Variants in IFTAP observed in about 807,000 individuals in gnomAD.
IFTAP encodes the protein intraflagellar transport-associated protein.
In IFTAP, 19 loss-of-function variants were observed where a neutral mutation model predicts 19.4. The observed-to-expected ratio is 0.98, with a 90% confidence interval of 0.68 to 1.44. The LOEUF (loss-of-function observed/expected upper bound fraction) is 1.44. Ranked by LOEUF, IFTAP falls within the 40% of genes most tolerant of loss-of-function variation. The pLI is 0.00. For missense variants in IFTAP, 240 were observed against 253.6 expected (o/e 0.95, Z 0.36); for synonymous variants, 85 against 83.5 (o/e 1.02, Z -0.10).
intron 5 of IFTAP, 57 bp downstream of exon 5, chr11:36,648,212 CT>C: frequency 6.4e-7 from 1 of 1,564,986 alleles, no homozygotes; most frequent in Non-Finnish European, 8.7e-7. Context: ...TAATTCATCC[CT>C]TCAAAGAAAT....
At chr11:36,627,440 G>A (rs910784718) in intron 2 of IFTAP, among the ~76,000 whole-genome samples, 3 of 151,226 alleles carry the variant, frequency 2.0e-5, no homozygotes, top group Non-Finnish European at 4.4e-5. Context: ...ATGTGTCCTT[G>A]TGATCCTGGG....
chr11:36,654,135 C>T (rs919261083), intron 5 of IFTAP, among the ~76,000 whole-genome samples: 1 of 152,078 alleles, frequency 6.6e-6, no homozygotes, highest in Non-Finnish European at 1.5e-5. Context: ...TGTAAAATAT[C>T]CTTGGCTTCA....
At chr11:36,628,204 G>C (rs1370231488) in intron 2 of IFTAP, among the ~76,000 whole-genome samples, 1 of 150,864 alleles carries the variant, frequency 6.6e-6, no homozygotes, top group Non-Finnish European at 1.5e-5. Flanking sequence ...CAGAGTTTTT[G>C]TCGGGCCCTC....
At chr11:36,616,404 T>A (rs892439257) in intron 2 of IFTAP, among the ~76,000 whole-genome samples, 1 of 151,990 alleles carries the variant, frequency 6.6e-6, no homozygotes, top group Non-Finnish European at 1.5e-5. Context: ...TTGAAAAAAA[T>A]TCCTGTCAAC....
intron 5 of IFTAP, among the ~76,000 whole-genome samples, chr11:36,656,567 T>G (rs1277559659): frequency 1.3e-4 from 20 of 148,592 alleles, no homozygotes; most frequent in Non-Finnish European, 3.0e-4. Context: ...GAGTCTCTGT[T>G]TAAAAAAAAA....
At position 36,609,204 on chromosome 11, in the gene IFTAP, C is replaced by A. The variant is rs184341031; in HGVS notation, c.-23-877C>A. On this transcript the variant is annotated intron_variant, in intron 1 of 5. Coordinates refer to ENST00000334307, the MANE Select transcript of IFTAP (RefSeq NM_138787.4). ...AGTAGTGGGAGATGGGGGATAAAGT[C>A]TTCAGAGACAAATGGAATTCTGAGC... Among the ~76,000 whole-genome samples, 368 of 152,192 alleles carry A rather than the reference C, an allele frequency of 2.4e-3. 1 individual carries two copies. Among genetic ancestry groups the A allele is most frequent in the African/African-American group, 8.2e-3 (341 of 41,524 alleles).
intron 1 of IFTAP, among the ~76,000 whole-genome samples, chr11:36,596,030 T>A (rs1851215935): frequency 6.6e-6 from 1 of 152,202 alleles, no homozygotes; most frequent in South Asian, 2.1e-4. Flanking sequence ...TGGTATATAT[T>A]CACTGGGCTG....
At chr11:36,650,805 G>T (rs754253248) in intron 5 of IFTAP, among the ~76,000 whole-genome samples, 26 of 151,964 alleles carry the variant, frequency 1.7e-4, no homozygotes, top group Non-Finnish European at 3.2e-4. Context: ...AACATGCGGT[G>T]TTTGGTTTTT....
intron 3 of IFTAP, 145 bp downstream of exon 3, chr11:36,633,583 A>G: frequency 3.8e-6 from 2 of 532,164 alleles, no homozygotes; most frequent in Non-Finnish European, 5.8e-6. Context: ...GGGGCACTTT[A>G]TTGAAAGTCA....
intron 2 of IFTAP, among the ~76,000 whole-genome samples, chr11:36,631,557 A>G (rs1590219062): frequency 6.6e-6 from 1 of 151,214 alleles, no homozygotes; most frequent in Non-Finnish European, 1.5e-5. Flanking sequence ...CATGAATCTC[A>G]CTGATTTTGA....
At chr11:36,614,673 T>C (rs1852002986) in intron 2 of IFTAP, among the ~76,000 whole-genome samples, 1 of 147,910 alleles carries the variant, frequency 6.8e-6, no homozygotes, top group Admixed American at 6.7e-5. Context: ...TGGCCAGTGA[T>C]GGTGAGCATT....
Position 36,651,438 on chromosome 11 carries a change from G to A in IFTAP, c.498+3283G>A, listed in dbSNP as rs144882818. On this transcript the variant is annotated intron_variant, in intron 5 of 5. Coordinates refer to ENST00000334307, the MANE Select transcript of IFTAP (RefSeq NM_138787.4). ...TGTAAATTTGTTTAAGTTCTTTGCA[G>A]ATTCTAGATATTAGCCCTTTGTCAG... Among the ~76,000 whole-genome samples, 654 of 152,286 alleles carry A rather than the reference G, an allele frequency of 4.3e-3. 4 individuals carry two copies. Among genetic ancestry groups the A allele is most frequent in the African/African-American group, 0.015 (604 of 41,552 alleles).
At chr11:36,627,951 G>A (rs1220444810) in intron 2 of IFTAP, among the ~76,000 whole-genome samples, 3 of 151,144 alleles carry the variant, frequency 2.0e-5, no homozygotes, top group African/African-American at 7.4e-5. Flanking sequence ...AACATAACCA[G>A]TTGGAGATAG....
chr11:36,618,393 G>A (rs895291842), intron 2 of IFTAP, among the ~76,000 whole-genome samples: 21 of 151,972 alleles, frequency 1.4e-4, no homozygotes, highest in Admixed American at 2.0e-4. Flanking sequence ...GGTCACTGGT[G>A]TGTAGATAAT....
intron 2 of IFTAP, among the ~76,000 whole-genome samples, chr11:36,630,059 G>A (rs541873232): frequency 6.6e-6 from 1 of 151,326 alleles, no homozygotes; most frequent in Admixed American, 6.5e-5. Context: ...AACAGAAACA[G>A]AAGAAGATGA....
At chr11:36,615,854 G>A (rs564450715) in intron 2 of IFTAP, among the ~76,000 whole-genome samples, 38 of 151,650 alleles carry the variant, frequency 2.5e-4, no homozygotes, top group East Asian at 1.8e-3. Context: ...CAATCATGTC[G>A]TCTGCAAAGA....
intron 3 of IFTAP, 39 bp downstream of exon 3, chr11:36,633,477 A>T (rs749103508): frequency 1.4e-6 from 2 of 1,402,794 alleles, no homozygotes; most frequent in African/African-American, 3.0e-5. Context: ...ACAATCTCAG[A>T]AGAAAAGAAT....
chr11:36,595,681 TATATTG>T (rs1438590246), intron 1 of IFTAP, among the ~76,000 whole-genome samples: 8 of 152,370 alleles, frequency 5.3e-5, no homozygotes, highest in African/African-American at 1.9e-4. Context: ...ACCAACCTCA[TATATTG>T]ATGTCAGTTA....
chr11:36,603,293 T>C (rs1851573896), intron 1 of IFTAP, among the ~76,000 whole-genome samples: 1 of 152,238 alleles, frequency 6.6e-6, no homozygotes, highest in Admixed American at 6.5e-5. Context: ...TGTAATATTA[T>C]AGATTAGTAT....
Sources: allele counts gnomAD v4.1 joint callset (sites outside exome capture counted in the v4.1 genomes callset), GRCh38; gene constraint gnomAD v4.1.1; transcripts MANE v1.5; gene names NCBI Gene and HGNC (gene_info 2026-07-23, HGNC 2026-07-21).